Variants in SEC14L6 observed in about 807,000 individuals in gnomAD.
SEC14L6 encodes SEC14-like protein 6.
SEC14L6 carries 40 observed loss-of-function variants against 54.1 expected under a neutral mutation model. The ratio of observed to expected loss-of-function variants is 0.74; its 90% CI spans 0.57 to 0.96. The LOEUF is 0.96. Ranked by LOEUF, SEC14L6 falls within the 40% of genes least tolerant of loss-of-function variation. The probability of loss-of-function intolerance (pLI) is 0.00; values close to 1 mark genes in which losing one functional copy is unlikely to be tolerated. For synonymous variants in SEC14L6, 171 were observed against 198.4 expected (o/e 0.86, Z 1.16); for missense variants, 471 against 498.3 (o/e 0.95, Z 0.52).
At chr22:30,535,366 TG>T (rs1326403596) in intron 2 of SEC14L6, among the ~76,000 whole-genome samples, 1 of 152,238 alleles carries the variant, frequency 6.6e-6, no homozygotes, top group African/African-American at 2.4e-5. Context: ...AGCCTCTGGC[TG>T]GTGAGAACCA....
chr22:30,543,665 G>A (rs2085763391), intron 1 of SEC14L6: 5 of 1,612,424 alleles, frequency 3.1e-6, no homozygotes, highest in Non-Finnish European at 4.2e-6. Flanking sequence ...GAGAACACTG[G>A]ACCTAATGAA....
intron 1 of SEC14L6, among the ~76,000 whole-genome samples, chr22:30,541,731 G>T (rs2085717434): frequency 6.6e-6 from 1 of 152,104 alleles, no homozygotes; most frequent in Non-Finnish European, 1.5e-5. Context: ...TACTCAGGAG[G>T]CTGAGGTGGG....
At position 30,524,888 on chromosome 22, in the gene SEC14L6, T is replaced by C. The variant is rs1936711849; in HGVS notation, c.*109A>G. On this transcript the variant is annotated 3_prime_UTR_variant, in exon 12 of 12. Transcript: ENST00000402034. ...TGATGCATAGGCTGTGACCTGCTGT[T>C]GTAGAATCCCTGTTCCTGAGAGGTT... is the stretch of plus-strand genomic sequence containing the variant. 5.9e-6 allele frequency: 4 copies of C among 678,044 alleles called. No homozygotes were observed. In the Admixed American group the frequency reaches 6.4e-5, roughly 11 times the overall value. The allele number at this position is 678,044 out of a possible 1,614,324, so 42.0% of individuals were successfully genotyped here. A position where few individuals can be genotyped will look rare whatever the true frequency, so the allele number is the denominator to read the frequency against.
Position 30,525,422 on chromosome 22 carries a change from G to A in SEC14L6, c.1009C>T (p.Leu337=). 6.2e-7 allele frequency: 1 copy of A among 1,614,196 alleles called. No homozygotes were observed. The highest frequency in any genetic ancestry group is 8.5e-7 in the Non-Finnish European group (1 of 1,180,030). The change falls in exon 11 of 12, where the codon CTG becomes TTG. Residue 337 remains leucine, a synonymous_variant. Coordinates refer to ENST00000402034, the MANE Select transcript of SEC14L6 (RefSeq NM_001193336.4). ...TGGGCATTGTAGCGCTGGCTGGGCA[G>A]CACCTCTGTCATCTCCCTAGCCCTC... is the stretch of plus-strand genomic sequence containing the variant. ...RQRAREMTEV[L]PSQRYNAHMV... is the part of the protein sequence containing the mutation.
At chr22:30,539,325 C>T (rs1040621761) in intron 1 of SEC14L6, among the ~76,000 whole-genome samples, 5 of 151,876 alleles carry the variant, frequency 3.3e-5, no homozygotes, top group Non-Finnish European at 7.4e-5. Flanking sequence ...TGCAGTGAGC[C>T]GAGATCCCAC....
rs751086784 is a variant in SEC14L6, at chr22:30,525,392, C to G, written c.1039G>C (p.Val347Leu). The change falls in exon 11 of 12, where the codon GTG becomes CTG. Residue 347 changes from valine (V) to leucine (L), a missense_variant. Transcript: ENST00000402034. ...CAGGTGAGAATCCCATCTTCAGGCA[C>G]CATGTGGGCATTGTAGCGCTGGCTG... ...LPSQRYNAHM[V>L]PEDGILTCLQ... The G allele has an allele frequency of 2.0e-4, 325 of 1,614,078 alleles. No homozygotes were observed. The highest frequency in any genetic ancestry group is 2.7e-4 in the Non-Finnish European group (314 of 1,180,022).
In SEC14L6 at chr22:30,538,879, C is replaced by T. The variant is rs1352203349; in HGVS notation, c.78G>A (p.Val26=). 1.3e-6 allele frequency: 2 copies of T among 1,555,606 alleles called. No homozygotes were observed. Among genetic ancestry groups the T allele is most frequent in the Admixed American group, 3.9e-5 (2 of 51,318 alleles). ...LAQFRENIQD[V]LSALPNPDDY... ...CATCAGGATTGGGCAGCGCAGATAG[C>T]ACATCTTGGATGTTCTCCCGGAACT... Residue 26 remains valine (V), a synonymous_variant, in exon 2 of 12, where the codon GTG becomes GTA. Transcript: ENST00000402034.
In SEC14L6 at chr22:30,529,189, C is replaced by T. The variant is rs994129798; in HGVS notation, c.581-19G>A. 12 of 1,550,572 alleles carry T rather than the reference C, an allele frequency of 7.7e-6. No individual in the cohort carries two copies. In the African/African-American group the frequency reaches 9.6e-5, roughly 12 times the overall value. On this transcript the variant is annotated intron_variant, in intron 7 of 11. Transcript: ENST00000402034. Reference sequence around the variant, plus strand: ...TTGGGGGCTGAAACCAGGCACAGAACTGCTCCCTCAGGCGGCTGGCTGGGG... The same window carrying T: ...TTGGGGGCTGAAACCAGGCACAGAATTGCTCCCTCAGGCGGCTGGCTGGGG...
intron 4 of SEC14L6, 25 bp downstream of exon 4, chr22:30,532,771 AG>A: frequency 6.2e-7 from 1 of 1,609,002 alleles, no homozygotes; most frequent in Non-Finnish European, 8.5e-7. Context: ...CCCAGGGATC[AG>A]GGTATGGGTT....
Position 30,525,491 on chromosome 22 carries a change from T to C in SEC14L6, c.940A>G (p.Ile314Val), listed in dbSNP as rs1201263496. The change falls in exon 11 of 12, where the codon ATT becomes GTT. Residue 314 changes from isoleucine (I) to valine (V), a missense_variant. Coordinates refer to ENST00000402034, the MANE Select transcript of SEC14L6 (RefSeq NM_001193336.4). ...RWQFASDGGD[I>V]GFGVFLKTKM... is the part of the protein sequence containing the mutation. ...GTCTTCAGGAAAACCCCAAAGCCAA[T>C]GTCCCCACCATCTGAAGCAAACTGC... 2.5e-6 allele frequency: 4 copies of C among 1,614,118 alleles called. No homozygotes were observed. The highest frequency in any genetic ancestry group is 1.7e-5 in the Admixed American group (1 of 60,020).
chr22:30,542,641 G>C, intron 1 of SEC14L6: 1 of 1,545,738 alleles, frequency 6.5e-7, no homozygotes, highest in Non-Finnish European at 8.7e-7. Context: ...CGCGTCCTGC[G>C]CCTGGTCAGG....
rs1003387102 is a variant in SEC14L6, at chr22:30,524,736, G to A, written c.*261C>T. ...GGTATTGGTTGATAGAAAAAAGCCT[G>A]GGGTTTTTGCTGAGCTTGAGGTCAC... is the stretch of plus-strand genomic sequence containing the variant. On this transcript the variant is annotated 3_prime_UTR_variant, in exon 12 of 12. Coordinates refer to ENST00000402034, the MANE Select transcript of SEC14L6 (RefSeq NM_001193336.4). 2.7e-6 allele frequency: 1 copy of A among 377,104 alleles called. No individual in the cohort carries two copies. Among genetic ancestry groups the A allele is most frequent in the African/African-American group, 2.0e-5 (1 of 48,968 alleles). The allele number at this position is 377,104 out of a possible 1,614,324, so 23.4% of individuals were successfully genotyped here.
chr22:30,543,657 GAA>G, intron 1 of SEC14L6: 1 of 1,612,798 alleles, frequency 6.2e-7, no homozygotes, highest in Non-Finnish European at 8.5e-7. Context: ...CCGCCGCTGA[GAA>G]CACTGGACCT....
Position 30,523,635 on chromosome 22 carries a change from G to T in SEC14L6, c.*1362C>A. On this transcript the variant is annotated 3_prime_UTR_variant, in exon 12 of 12. Coordinates refer to ENST00000402034, the MANE Select transcript of SEC14L6 (RefSeq NM_001193336.4). ...AGCCTCCCAAAGTGCTGGGATTACA[G>T]GTGTGAGCCACTGCACCTGGCCAGT... 6.6e-6 allele frequency: 1 copy of T among 152,360 alleles called. No homozygotes were observed. The allele number at this position is 152,360 out of a possible 1,614,324, so 9.4% of individuals were successfully genotyped here. A position where few individuals can be genotyped will look rare whatever the true frequency, so the allele number is the denominator to read the frequency against.
chr22:30,528,849 T>C (rs138868700), intron 8 of SEC14L6, among the ~76,000 whole-genome samples: 119 of 152,126 alleles, frequency 7.8e-4, no homozygotes, highest in African/African-American at 2.7e-3. Context: ...CCAGCTCTCC[T>C]AACCTCAAAT....
chr22:30,524,158 CT>C lies in SEC14L6; in HGVS notation c.*838del, dbSNP rs1936690838. The C allele has an allele frequency of 6.6e-6, 1 of 152,200 alleles. No individual in the cohort carries two copies. Among genetic ancestry groups the C allele is most frequent in the Non-Finnish European group, 1.5e-5 (1 of 68,054 alleles). 9.4% of individuals were successfully genotyped at this position (152,200 alleles called of 1,614,324 possible). On this transcript the variant is annotated 3_prime_UTR_variant, in exon 12 of 12. Coordinates refer to ENST00000402034, the MANE Select transcript of SEC14L6 (RefSeq NM_001193336.4). ...CTTACCCTGCCTCACCAGTTCCTTC[CT>C]GCAGAAACCATCATAAAAGTAAAGT...
chr22:30,543,980 C>G, intron 1 of SEC14L6: 1 of 1,603,556 alleles, frequency 6.2e-7, no homozygotes, highest in East Asian at 2.2e-5. Context: ...CTCACCTATG[C>G]TGACCTGGAC....
intron 2 of SEC14L6, among the ~76,000 whole-genome samples, chr22:30,537,613 G>C (rs764217): frequency 0.69 from 105,232 of 152,084 alleles, 36,694 homozygotes; most frequent in Middle Eastern, 0.74. Flanking sequence ...GAGAGAGAGC[G>C]AGCGAGCAAG....
intron 6 of SEC14L6, among the ~76,000 whole-genome samples, chr22:30,530,640 G>A (rs183360900): frequency 2.3e-3 from 351 of 152,294 alleles, no homozygotes; most frequent in Non-Finnish European, 3.8e-3. Flanking sequence ...GAGCTCAAGC[G>A]ATCCTCCTGC....
Sources: allele counts gnomAD v4.1 joint callset (sites outside exome capture counted in the v4.1 genomes callset), GRCh38; gene constraint gnomAD v4.1.1; transcripts MANE v1.5; gene names NCBI Gene and HGNC (gene_info 2026-07-23, HGNC 2026-07-21).